Variants in RAB6A observed in about 807,000 individuals in gnomAD.
RAB6A encodes RAB6A, member RAS oncogene family, also known as ras-related protein Rab-6A.
Under a neutral mutation model 32.3 loss-of-function variants are expected in RAB6A, and 8 were observed. The observed-to-expected ratio is 0.25, with a 90% CI of 0.15 to 0.45. The LOEUF (loss-of-function observed/expected upper bound fraction) is 0.45, where lower values mean the gene tolerates loss of function less well. Among genes scored for constraint, RAB6A ranks in the 20% least tolerant of loss-of-function variants. RAB6A has a pLI of 1.00. For missense variants in RAB6A, 104 were observed against 249.4 expected, an observed-to-expected ratio of 0.42 and a Z score of 3.93; for synonymous variants, 73 against 82.1, an observed-to-expected ratio of 0.89 and a Z score of 0.60.
chr11:73,747,952 G>A (rs1373003741), intron 1 of RAB6A, among the ~76,000 whole-genome samples: 1 of 152,144 alleles, frequency 6.6e-6, no homozygotes, highest in Non-Finnish European at 1.5e-5. Context: ...CTTGGTTATT[G>A]GTGGTGTCTA....
chr11:73,694,899 C>T (rs1414543535), intron 6 of RAB6A, among the ~76,000 whole-genome samples: 2 of 152,108 alleles, frequency 1.3e-5, no homozygotes, highest in Non-Finnish European at 2.9e-5. Context: ...GCGTGCAATC[C>T]CAGCTACTCG....
At chr11:73,724,721 T>C (rs565865159) in intron 2 of RAB6A, among the ~76,000 whole-genome samples, 124 of 152,178 alleles carry the variant, frequency 8.1e-4, no homozygotes, top group Middle Eastern at 6.8e-3. Flanking sequence ...CTCCAGACCT[T>C]GTGATCCGCC....
At chr11:73,720,306 A>G (rs959803696) in intron 3 of RAB6A, among the ~76,000 whole-genome samples, 3 of 149,422 alleles carry the variant, frequency 2.0e-5, no homozygotes, top group Non-Finnish European at 3.0e-5. Flanking sequence ...TCAGCCTCCC[A>G]AGTAGCTGGG....
At chr11:73,759,785 C>A (rs956840909) in intron 1 of RAB6A, among the ~76,000 whole-genome samples, 1 of 152,168 alleles carries the variant, frequency 6.6e-6, no homozygotes, top group Non-Finnish European at 1.5e-5. Flanking sequence ...CATGACATAG[C>A]ATCTGGCAGA....
chr11:73,736,898 A>T (rs943824923), intron 1 of RAB6A, among the ~76,000 whole-genome samples: 3 of 146,636 alleles, frequency 2.0e-5, no homozygotes, highest in Non-Finnish European at 4.5e-5. Flanking sequence ...GGATTGCTTG[A>T]GCCCAGGAGG....
At chr11:73,719,501 G>T (rs1946103350) in intron 3 of RAB6A, among the ~76,000 whole-genome samples, 1 of 152,166 alleles carries the variant, frequency 6.6e-6, no homozygotes. Context: ...AGATCTTTTT[G>T]CAGCCCTACA....
At chr11:73,705,391 T>A (rs980748260) in intron 6 of RAB6A, among the ~76,000 whole-genome samples, 1 of 151,840 alleles carries the variant, frequency 6.6e-6, no homozygotes, top group African/African-American at 2.4e-5. Flanking sequence ...TTACTAAAAG[T>A]ACAAAAATTA....
At chr11:73,717,758 T>C (rs867415904) in intron 4 of RAB6A, among the ~76,000 whole-genome samples, 3 of 152,202 alleles carry the variant, frequency 2.0e-5, no homozygotes, top group South Asian at 2.1e-4. Flanking sequence ...CCTAGCACTT[T>C]AGAAGGCTGA....
At chr11:73,745,466 C>T (rs957568071) in intron 1 of RAB6A, among the ~76,000 whole-genome samples, 5 of 152,096 alleles carry the variant, frequency 3.3e-5, no homozygotes, top group African/African-American at 9.7e-5. Flanking sequence ...AGACACAGGC[C>T]GGGTGCAGTG....
intron 3 of RAB6A, among the ~76,000 whole-genome samples, chr11:73,719,276 T>C (rs1409034015): frequency 6.6e-6 from 1 of 152,234 alleles, no homozygotes; most frequent in Admixed American, 6.5e-5. Flanking sequence ...TAAATGTCAA[T>C]GAGCAGCCTA....
chr11:73,722,301 G>GTGTGTGTGTA (rs1161626189), intron 2 of RAB6A: 1 of 19,356 alleles, frequency 5.2e-5, no homozygotes, highest in African/African-American at 2.0e-4. Context: ...ATATATGTGT[G>GTGTGTGTGTA]TGTGTATATA....
At chr11:73,678,586 C>T (rs1005283275) in intron 7 of RAB6A, among the ~76,000 whole-genome samples, 1 of 151,894 alleles carries the variant, frequency 6.6e-6, no homozygotes, top group East Asian at 1.9e-4. Context: ...TGCTGCACTC[C>T]AGCCTGGGCG....
intron 6 of RAB6A, among the ~76,000 whole-genome samples, chr11:73,702,527 C>G (rs534777576): frequency 6.6e-6 from 1 of 152,198 alleles, no homozygotes; most frequent in East Asian, 1.9e-4. Flanking sequence ...TACCTGATAA[C>G]TGTAAAAAAA....
chr11:73,722,288 A>AAT (rs1207297946), intron 2 of RAB6A: 5 of 124,738 alleles, frequency 4.0e-5, no homozygotes, highest in East Asian at 2.1e-4. Flanking sequence ...ATAAAATTCA[A>AAT]ATATATATGT....
rs1271349248 is a variant in RAB6A at position 73,720,817 on chromosome 11, G to A, written c.183+29C>T. The A allele has an allele frequency of 1.9e-6, 3 of 1,565,572 alleles. No homozygotes were observed. In the Admixed American group the frequency reaches 5.3e-5, roughly 27 times the overall value. On this transcript the variant is annotated intron_variant, in intron 3 of 7. Coordinates refer to ENST00000336083, the MANE Select transcript of RAB6A (RefSeq NM_198896.2). ...CAGTTTTCTAACCTGGAATGTTGCA[G>A]AAAATTGCACACTGAAAATATTACT...
chr11:73,685,700 G>A (rs1215158340), intron 6 of RAB6A, among the ~76,000 whole-genome samples: 1 of 146,106 alleles, frequency 6.8e-6, no homozygotes, highest in East Asian at 2.0e-4. Context: ...CCAACATGGT[G>A]AAACCCCATC....
intron 6 of RAB6A, among the ~76,000 whole-genome samples, chr11:73,700,796 T>G (rs2134905000): frequency 6.6e-6 from 1 of 152,322 alleles, no homozygotes; most frequent in African/African-American, 2.4e-5. Flanking sequence ...TTTTATTTTT[T>G]AAATGACAAC....
chr11:73,715,475 T>G (rs1946039264), intron 5 of RAB6A, among the ~76,000 whole-genome samples: 1 of 152,182 alleles, frequency 6.6e-6, no homozygotes, highest in South Asian at 2.1e-4. Flanking sequence ...GCTTCATATC[T>G]CCACAAGTCT....
chr11:73,678,626 C>A (rs956709353), intron 7 of RAB6A, among the ~76,000 whole-genome samples: 3 of 151,532 alleles, frequency 2.0e-5, no homozygotes, highest in South Asian at 2.1e-4. Flanking sequence ...CAAAAAAAAA[C>A]GGCGGTGGGC....
Sources: allele counts gnomAD v4.1 joint callset (sites outside exome capture counted in the v4.1 genomes callset), GRCh38; gene constraint gnomAD v4.1.1; transcripts MANE v1.5; gene names NCBI Gene and HGNC (gene_info 2026-07-23, HGNC 2026-07-21).